The following JPH2 variants were observed in gnomAD, a reference collection of about 807,000 sequenced individuals.
The protein encoded by JPH2 is junctophilin 2.
Under a neutral mutation model 55.9 loss-of-function variants are expected in JPH2, and 38 were observed. The ratio of observed to expected loss-of-function variants is 0.68; its 90% CI spans 0.52 to 0.89. JPH2 has a LOEUF of 0.89. Ranked by LOEUF, JPH2 falls within the 40% of genes least tolerant of loss-of-function variation. The pLI is 0.00. For missense variants in JPH2, 964 were observed against 1,037.6 expected, an observed-to-expected ratio of 0.93 and a Z score of 0.97; for synonymous variants, 480 against 472.4, an observed-to-expected ratio of 1.02 and a Z score of -0.21.
intron 5 of JPH2, among the ~76,000 whole-genome samples, chr20:44,113,805 AG>A (rs112845697): frequency 0.11 from 16,183 of 152,078 alleles, 947 homozygotes; most frequent in Non-Finnish European, 0.13. Context: ...TTCACCCTTC[AG>A]GTCATTAAAG....
In JPH2 at chr20:44,116,156, G is replaced by A; in HGVS notation, c.1519C>T (p.Leu507=). 7.0e-7 allele frequency: 1 copy of A among 1,423,962 alleles called. No individual in the cohort carries two copies. The highest frequency in any genetic ancestry group is 9.1e-7 in the Non-Finnish European group (1 of 1,099,234). The allele number at this position is 1,423,962 out of a possible 1,614,324, so 88.2% of individuals were successfully genotyped here. A position where few individuals can be genotyped will look rare whatever the true frequency, so the allele number is the denominator to read the frequency against. Residue 507 remains leucine (L), a synonymous_variant, in exon 4 of 6, where the codon CTG becomes TTG. Coordinates refer to ENST00000372980, the MANE Select transcript of JPH2 (RefSeq NM_020433.5). ...PRPGVSKDGL[L]SPGAWNGEPS... ...TCGCCGTTCCAGGCGCCTGGGCTCAGCAGGCCGTCCTTGGACACCCCGGGC... is the reference window on the plus strand; with the variant it reads ...TCGCCGTTCCAGGCGCCTGGGCTCAACAGGCCGTCCTTGGACACCCCGGGC...
chr20:44,138,972 C>T (rs566855085), intron 2 of JPH2, among the ~76,000 whole-genome samples: 17 of 152,278 alleles, frequency 1.1e-4, no homozygotes, highest in East Asian at 3.9e-4. Flanking sequence ...GCTGCCACAC[C>T]GCTGTGCCTT....
At position 44,115,563 on chromosome 20, in the gene JPH2, C is replaced by G. The variant is rs1025700567; in HGVS notation, c.2010+102G>C. 141 of 1,487,202 alleles carry G rather than the reference C, an allele frequency of 9.5e-5. 1 individual carries two copies. In the Admixed American group the frequency reaches 2.5e-3, roughly 26 times the overall value. The allele number at this position is 1,487,202 out of a possible 1,614,324, so 92.1% of individuals were successfully genotyped here. ...CCTGCTCTATCCTGCTTCGGTCTCTCGCACCCCAGCAACCCCCAAATCCCC... is the reference window on the plus strand; with the variant it reads ...CCTGCTCTATCCTGCTTCGGTCTCTGGCACCCCAGCAACCCCCAAATCCCC... On this transcript the variant is annotated intron_variant, in intron 4 of 5. Coordinates refer to ENST00000372980, the MANE Select transcript of JPH2 (RefSeq NM_020433.5).
Position 44,148,033 on chromosome 20 carries a change from C to T in JPH2, c.1169+11585G>A, listed in dbSNP as rs532026062. 1.3e-4 allele frequency among the ~76,000 whole-genome samples: 20 copies of T among 152,184 alleles called. No homozygotes were observed. The East Asian group carries it at 2.1e-3, about 16-fold the overall frequency. ...CAAAAATTAGCCAGCGGTAGTGGCA[C>T]GCACCTGTAATCCCAGCGACTCGGG... is the stretch of plus-strand genomic sequence containing the variant. On this transcript the variant is annotated intron_variant, in intron 2 of 5. Transcript: ENST00000372980.
chr20:44,176,284 A>G (rs890830858), intron 1 of JPH2, among the ~76,000 whole-genome samples: 2 of 151,906 alleles, frequency 1.3e-5, no homozygotes. Context: ...CAAGAGCTAA[A>G]AGAATCTCAT....
intron 1 of JPH2, among the ~76,000 whole-genome samples, chr20:44,173,007 CT>C (rs112472182): frequency 4.6e-5 from 7 of 152,312 alleles, no homozygotes; most frequent in South Asian, 2.1e-4. Context: ...ATATAACTGA[CT>C]CCATCTTACT....
intron 2 of JPH2, among the ~76,000 whole-genome samples, chr20:44,147,215 G>A (rs900585712): frequency 3.3e-5 from 5 of 152,150 alleles, no homozygotes; most frequent in Non-Finnish European, 7.3e-5. Flanking sequence ...GTATTCCAGT[G>A]CTGCTTGAAT....
At chr20:44,163,328 G>A (rs1013414232) in intron 1 of JPH2, among the ~76,000 whole-genome samples, 2 of 152,100 alleles carry the variant, frequency 1.3e-5, no homozygotes, top group Non-Finnish European at 2.9e-5. Flanking sequence ...TGATGTGTTG[G>A]GTGAAGAGCT....
intron 2 of JPH2, among the ~76,000 whole-genome samples, chr20:44,157,319 G>C (rs2072572755): frequency 6.6e-6 from 1 of 152,150 alleles, no homozygotes; most frequent in East Asian, 1.9e-4. Flanking sequence ...TACAAATGAG[G>C]AGAGTATAAA....
At chr20:44,118,418 T>C (rs1416114285) in intron 3 of JPH2, 87 bp downstream of exon 3, 15 of 1,042,478 alleles carry the variant, frequency 1.4e-5, no homozygotes, top group East Asian at 7.1e-5. Flanking sequence ...AGGAAACCAC[T>C]TGGGCATCTC....
chr20:44,159,770 G>C lies in JPH2; in HGVS notation c.1017C>G (p.Gly339=). 1 of 1,612,542 alleles carries C rather than the reference G, an allele frequency of 6.2e-7. No homozygotes were observed. Among genetic ancestry groups the C allele is most frequent in the Non-Finnish European group, 8.5e-7 (1 of 1,179,122 alleles). Residue 339 remains glycine (G), a synonymous_variant, in exon 2 of 6, where the codon GGC becomes GGG. Coordinates refer to ENST00000372980, the MANE Select transcript of JPH2 (RefSeq NM_020433.5). The surrounding 1 kb of genome is among the most constrained non-coding windows in gnomAD (Gnocchi z 5.7). The part of the protein sequence containing the change: ...TTLPDGHREE[G]KYRHNVLVKD... The stretch of plus-strand genomic sequence containing the variant: ...TGACCAGCACGTTGTGGCGGTACTT[G>C]CCCTCCTCGCGGTGGCCGTCGGGCA...
chr20:44,112,561 C>T lies in JPH2; in HGVS notation c.*957G>A, dbSNP rs779746756. 1.1e-4 allele frequency: 16 copies of T among 152,174 alleles called. No homozygotes were observed. Among genetic ancestry groups the T allele is most frequent in the Admixed American group, 5.9e-4 (9 of 15,282 alleles). The allele number at this position is 152,174 out of a possible 1,614,324, so 9.4% of individuals were successfully genotyped here. On this transcript the variant is annotated 3_prime_UTR_variant, in exon 6 of 6. Coordinates refer to ENST00000372980, the MANE Select transcript of JPH2 (RefSeq NM_020433.5). Reference sequence around the variant, plus strand: ...TTAGTGTCTGCCCCAGGGACATCTCCCTGGGCTTCCATGGGCTTCTGTGCT... The same window carrying T: ...TTAGTGTCTGCCCCAGGGACATCTCTCTGGGCTTCCATGGGCTTCTGTGCT...
intron 2 of JPH2, among the ~76,000 whole-genome samples, chr20:44,125,352 A>T (rs1358194539): frequency 6.6e-6 from 1 of 152,116 alleles, no homozygotes; most frequent in African/African-American, 2.4e-5. Context: ...CTCCTCTACT[A>T]TTATTATGAA....
chr20:44,148,438 C>T (rs1458306220), intron 2 of JPH2, among the ~76,000 whole-genome samples: 3 of 152,240 alleles, frequency 2.0e-5, no homozygotes, highest in Non-Finnish European at 1.5e-5. Context: ...GCTCTACGTG[C>T]CTGCCTCTGT....
In JPH2 at chr20:44,110,425, T is replaced by A. The variant is rs1292333971; in HGVS notation, c.*3093A>T. Among the ~76,000 whole-genome samples the A allele has an allele frequency of 9.3e-6, 1 of 107,778 alleles. No homozygotes were observed. Among genetic ancestry groups the A allele is most frequent in the African/African-American group, 5.0e-5 (1 of 19,968 alleles). The allele number at this position is 107,778 out of a possible 152,430, so 70.7% of individuals were successfully genotyped here. A position where few individuals can be genotyped will look rare whatever the true frequency, so the allele number is the denominator to read the frequency against. ...ATCATTCCAGAGTTTTGAAAACTTT[T>A]GTGTTTTTTTTTTTTTCCAGATGGA... On this transcript the variant is annotated 3_prime_UTR_variant, in exon 6 of 6. Coordinates refer to ENST00000372980, the MANE Select transcript of JPH2 (RefSeq NM_020433.5).
intron 1 of JPH2, among the ~76,000 whole-genome samples, chr20:44,180,279 C>G (rs1268815939): frequency 6.6e-6 from 1 of 152,038 alleles, no homozygotes; most frequent in African/African-American, 2.4e-5. Flanking sequence ...AGGAATGGTG[C>G]CTGGGACTTA....
intron 2 of JPH2, among the ~76,000 whole-genome samples, chr20:44,120,369 G>A (rs1219784919): frequency 6.6e-6 from 1 of 152,148 alleles, no homozygotes; most frequent in Non-Finnish European, 1.5e-5. Context: ...GGAGATGTCT[G>A]TTTCAGCTGT....
At chr20:44,182,612 C>CA (rs2072794435) in intron 1 of JPH2, among the ~76,000 whole-genome samples, 1 of 152,222 alleles carries the variant, frequency 6.6e-6, no homozygotes, top group African/African-American at 2.4e-5. Flanking sequence ...GGGGCCTTTG[C>CA]AACAGGATTC....
At chr20:44,124,020 G>T (rs928000046) in intron 2 of JPH2, among the ~76,000 whole-genome samples, 5 of 152,174 alleles carry the variant, frequency 3.3e-5, no homozygotes, top group Admixed American at 2.6e-4. Context: ...TCTGGAGGAT[G>T]GCTCTGACCC....
Sources: allele counts gnomAD v4.1 joint callset (sites outside exome capture counted in the v4.1 genomes callset), GRCh38; gene constraint gnomAD v4.1.1; non-coding constraint Gnocchi (gnomAD v3.1); transcripts MANE v1.5; gene names NCBI Gene and HGNC (gene_info 2026-07-23, HGNC 2026-07-21).